The following PPP2R3A variants were observed in gnomAD, a reference collection of about 807,000 sequenced individuals.
The protein encoded by PPP2R3A is serine/threonine-protein phosphatase 2A regulatory subunit B'' subunit alpha.
A neutral mutation model predicts 106.9 loss-of-function variants in PPP2R3A; 80 were observed. That is an observed-to-expected ratio of 0.75 (90% CI 0.62 to 0.90). The LOEUF is 0.90. Ranked by LOEUF, PPP2R3A falls within the 40% of genes least tolerant of loss-of-function variation. PPP2R3A has a pLI of 0.00. For missense variants in PPP2R3A, 1,386 were observed against 1,350.4 expected (o/e 1.03, Z -0.41); for synonymous variants, 483 against 468.3 (o/e 1.03, Z -0.41).
intron 6 of PPP2R3A, among the ~76,000 whole-genome samples, chr3:136,073,238 A>T (rs945418546): frequency 4.6e-5 from 7 of 152,198 alleles, no homozygotes; most frequent in African/African-American, 1.7e-4. Context: ...AAGTGCTGGG[A>T]TTACAGGCAT....
chr3:135,987,899 A>G (rs1932991701), intron 1 of PPP2R3A, among the ~76,000 whole-genome samples: 1 of 152,094 alleles, frequency 6.6e-6, no homozygotes, highest in Non-Finnish European at 1.5e-5. Context: ...GGACAGTGCC[A>G]CTCTGCATGT....
At position 136,001,942 on chromosome 3, in the gene PPP2R3A, T is replaced by C; in HGVS notation, c.444T>C (p.Ser148=). ...AAYRKGRKVK[S]DSFNRRSVDL... ...ACAGAAAGGGAAGGAAAGTTAAGTC[T>C]GACTCATTTAATAGGAGGTCAGTTG... is the stretch of plus-strand genomic sequence containing the variant. Residue 148 remains serine (S), a synonymous_variant, in exon 2 of 14, where the codon TCT becomes TCC. Coordinates refer to ENST00000264977, the MANE Select transcript of PPP2R3A (RefSeq NM_002718.5). The C allele has an allele frequency of 6.2e-7, 1 of 1,614,212 alleles. No individual in the cohort carries two copies. The highest frequency in any genetic ancestry group is 8.5e-7 in the Non-Finnish European group (1 of 1,180,032).
intron 13 of PPP2R3A, among the ~76,000 whole-genome samples, chr3:136,124,063 A>AAATT (rs1938094032): frequency 6.6e-6 from 1 of 152,270 alleles, no homozygotes; most frequent in South Asian, 2.1e-4. Context: ...AAATTGAATT[A>AAATT]AATTAGAAAA....
At chr3:136,048,128 A>G (rs866746781) in intron 4 of PPP2R3A, among the ~76,000 whole-genome samples, 3 of 152,218 alleles carry the variant, frequency 2.0e-5, no homozygotes, top group Non-Finnish European at 2.9e-5. Context: ...AGTTATTCCA[A>G]TAAGGTTATG....
At chr3:136,097,323 G>A (rs1937240149) in intron 10 of PPP2R3A, among the ~76,000 whole-genome samples, 1 of 152,098 alleles carries the variant, frequency 6.6e-6, no homozygotes, top group Non-Finnish European at 1.5e-5. Context: ...AACTTTTCAG[G>A]GACAAGTAAC....
intron 3 of PPP2R3A, among the ~76,000 whole-genome samples, chr3:136,038,901 C>G (rs1935167915): frequency 6.6e-6 from 1 of 152,156 alleles, no homozygotes; most frequent in South Asian, 2.1e-4. Context: ...TCATTCTTGA[C>G]CCCAGTGGAG....
At chr3:136,016,016 T>TCA (rs1300763978) in intron 2 of PPP2R3A, among the ~76,000 whole-genome samples, 1 of 152,152 alleles carries the variant, frequency 6.6e-6, no homozygotes, top group Non-Finnish European at 1.5e-5. Flanking sequence ...ATAGGTTGTG[T>TCA]CACTATTATT....
chr3:135,973,187 G>A (rs1937294605), intron 1 of PPP2R3A, among the ~76,000 whole-genome samples: 1 of 152,170 alleles, frequency 6.6e-6, no homozygotes, highest in Admixed American at 6.5e-5. Flanking sequence ...TGTTGAAAGA[G>A]CTGTGTGATT....
chr3:135,999,628 G>A (rs1933542257), intron 1 of PPP2R3A, among the ~76,000 whole-genome samples: 1 of 151,858 alleles, frequency 6.6e-6, no homozygotes, highest in African/African-American at 2.4e-5. Context: ...CTTGAGGTTT[G>A]GTTTTCTGCT....
chr3:136,086,585 T>C (rs1049211891), intron 8 of PPP2R3A, among the ~76,000 whole-genome samples: 1 of 152,146 alleles, frequency 6.6e-6, no homozygotes, highest in Non-Finnish European at 1.5e-5. Flanking sequence ...AGCTAAAAAA[T>C]GCCTTTAAAA....
At chr3:136,030,714 G>A (rs922951655) in intron 3 of PPP2R3A, among the ~76,000 whole-genome samples, 3 of 149,510 alleles carry the variant, frequency 2.0e-5, no homozygotes, top group African/African-American at 4.9e-5. Flanking sequence ...TGGTCACTGC[G>A]AATGCCATTA....
At chr3:135,988,259 A>C (rs1933009435) in intron 1 of PPP2R3A, among the ~76,000 whole-genome samples, 3 of 152,050 alleles carry the variant, frequency 2.0e-5, no homozygotes, top group Admixed American at 2.0e-4. Context: ...GATTAAAAAA[A>C]AAAAAAAACA....
At chr3:136,067,157 A>G (rs1936284695) in intron 5 of PPP2R3A, among the ~76,000 whole-genome samples, 1 of 152,250 alleles carries the variant, frequency 6.6e-6, no homozygotes. Context: ...AGATGACAGT[A>G]AAGTTTGAAA....
chr3:135,970,124 T>G (rs1326638439), intron 1 of PPP2R3A, among the ~76,000 whole-genome samples: 1 of 152,218 alleles, frequency 6.6e-6, no homozygotes, highest in African/African-American at 2.4e-5. Context: ...ATTTGCTGCC[T>G]TGGACGAATC....
At chr3:136,011,295 T>C (rs955849876) in intron 2 of PPP2R3A, among the ~76,000 whole-genome samples, 5 of 152,184 alleles carry the variant, frequency 3.3e-5, no homozygotes, top group Admixed American at 3.3e-4. Context: ...CACTGACTCC[T>C]ACCACTAGAA....
At chr3:135,985,420 GTC>G (rs900060765) in intron 1 of PPP2R3A, among the ~76,000 whole-genome samples, 1 of 129,544 alleles carries the variant, frequency 7.7e-6, no homozygotes, top group Non-Finnish European at 1.6e-5. Context: ...CGCTCTCTCT[GTC>G]TCTCTCTCTC....
At chr3:135,989,253 T>C (rs953805534) in intron 1 of PPP2R3A, among the ~76,000 whole-genome samples, 4 of 152,106 alleles carry the variant, frequency 2.6e-5, no homozygotes, top group Non-Finnish European at 5.9e-5. Context: ...AGAGGACACA[T>C]GAAGTCTTAA....
chr3:136,003,146 A>T lies in PPP2R3A; in HGVS notation c.1648A>T (p.Thr550Ser), dbSNP rs1559863055. The T allele has an allele frequency of 6.2e-7, 1 of 1,613,850 alleles. No homozygotes were observed. The highest frequency in any genetic ancestry group is 8.5e-7 in the Non-Finnish European group (1 of 1,179,858). ...LNSHSQLTGQ[T>S]LVDLEPKSKV... ...TAGTCACAGTCAGTTGACCGGTCAG[A>T]CCCTTGTAGATCTTGAGCCTAAATC... The change falls in exon 2 of 14, where the codon ACC becomes TCC. Residue 550 changes from threonine to serine, a missense_variant. Coordinates refer to ENST00000264977, the MANE Select transcript of PPP2R3A (RefSeq NM_002718.5).
intron 10 of PPP2R3A, among the ~76,000 whole-genome samples, 154 bp downstream of exon 10, chr3:136,090,821 A>G (rs1178876045): frequency 6.6e-6 from 1 of 152,262 alleles, no homozygotes; most frequent in Non-Finnish European, 1.5e-5. Flanking sequence ...TCTCCGTCTC[A>G]GGAGATTGGC....
Sources: gnomAD v4.1 joint callset for allele counts (sites outside exome capture counted in the v4.1 genomes callset) on GRCh38, gnomAD v4.1.1 for gene constraint, MANE v1.5 for transcripts, NCBI Gene and HGNC (gene_info 2026-07-23, HGNC 2026-07-21) for gene names.